Variants in PKP4 observed in about 807,000 individuals in gnomAD.
The protein encoded by PKP4 is plakophilin 4, also known as plakophilin-4.
PKP4 carries 90 observed loss-of-function variants against 145.1 expected under a neutral mutation model. That is an observed-to-expected ratio of 0.62 (90% CI 0.52 to 0.74). The LOEUF (loss-of-function observed/expected upper bound fraction) is 0.74. Among genes scored for constraint, PKP4 ranks in the 30% least tolerant of loss-of-function variants. The pLI is 0.00. For missense variants in PKP4, 1,340 were observed against 1,482.7 expected, an observed-to-expected ratio of 0.90 and a Z score of 1.58; for synonymous variants, 563 against 577.2, an observed-to-expected ratio of 0.98 and a Z score of 0.35.
intron 11 of PKP4, among the ~76,000 whole-genome samples, chr2:158,655,608 A>G (rs927907762): frequency 6.6e-5 from 10 of 152,254 alleles, no homozygotes; most frequent in Non-Finnish European, 1.0e-4. Context: ...CCTTGCAGCT[A>G]ACTTTACTGG....
chr2:158,598,539 G>A (rs940412252), intron 3 of PKP4, among the ~76,000 whole-genome samples: 68 of 152,106 alleles, frequency 4.5e-4, no homozygotes, highest in African/African-American at 1.3e-3. Context: ...AGGCTGAGGC[G>A]GGCGGATCAC....
chr2:158,596,460 T>G (rs947071873), intron 3 of PKP4, among the ~76,000 whole-genome samples: 10 of 152,110 alleles, frequency 6.6e-5, no homozygotes, highest in African/African-American at 1.9e-4. Flanking sequence ...TACAAATGTA[T>G]TTTAAAAATT....
At chr2:158,657,038 G>A (rs1176669336) in intron 11 of PKP4, among the ~76,000 whole-genome samples, 1 of 152,124 alleles carries the variant, frequency 6.6e-6, no homozygotes, top group African/African-American at 2.4e-5. Context: ...CCCTCCCTCT[G>A]CAAGGCCACA....
chr2:158,611,532 T>C (rs918682659), intron 4 of PKP4, among the ~76,000 whole-genome samples: 1 of 152,204 alleles, frequency 6.6e-6, no homozygotes, highest in Non-Finnish European at 1.5e-5. Context: ...CTTTTCTTTT[T>C]TCCTCCATCT....
At chr2:158,592,363 T>A (rs1158050155) in intron 3 of PKP4, among the ~76,000 whole-genome samples, 1 of 152,046 alleles carries the variant, frequency 6.6e-6, no homozygotes, top group Non-Finnish European at 1.5e-5. Flanking sequence ...TCCTTATGGG[T>A]CCACTCTTTT....
At chr2:158,526,256 TC>T (rs2042929447) in intron 1 of PKP4, among the ~76,000 whole-genome samples, 1 of 126,804 alleles carries the variant, frequency 7.9e-6, no homozygotes, top group Non-Finnish European at 1.7e-5. Context: ...GCAAAACGAA[TC>T]CAGCAGCACA....
At chr2:158,601,042 T>C (rs2050182913) in intron 3 of PKP4, among the ~76,000 whole-genome samples, 1 of 152,174 alleles carries the variant, frequency 6.6e-6, no homozygotes, top group Non-Finnish European at 1.5e-5. Context: ...ACCTGGTAAT[T>C]TGTATAATCT....
chr2:158,573,779 G>A (rs2047607889), intron 2 of PKP4, among the ~76,000 whole-genome samples: 1 of 152,230 alleles, frequency 6.6e-6, no homozygotes, highest in Non-Finnish European at 1.5e-5. Flanking sequence ...TTAGGCAAGG[G>A]AGAATTCCAA....
At chr2:158,648,412 C>G (rs1193169738) in intron 11 of PKP4, among the ~76,000 whole-genome samples, 1 of 152,204 alleles carries the variant, frequency 6.6e-6, no homozygotes, top group African/African-American at 2.4e-5. Context: ...AAGGGCAGAA[C>G]AGTCTGGCAA....
intron 19 of PKP4, 43 bp downstream of exon 19, chr2:158,674,043 A>G: frequency 9.5e-7 from 1 of 1,056,584 alleles, no homozygotes; most frequent in Non-Finnish European, 1.5e-6. Context: ...CCTTTGTGTG[A>G]CAGAACATTG....
Position 158,487,808 on chromosome 2 carries a change from G to A in PKP4, c.-6+30590G>A, listed in dbSNP as rs946502889. The stretch of plus-strand genomic sequence containing the variant: ...GAGAGAGAGAGAAGAGAGAGAAGGG[G>A]GAGGGAGGGAGGAAGGAAGGGAGGA... On this transcript the variant is annotated intron_variant, in intron 1 of 21. Transcript: ENST00000389759. Among the ~76,000 whole-genome samples, 24 of 152,010 alleles carry A rather than the reference G, an allele frequency of 1.6e-4. 1 individual carries two copies. The highest frequency in any genetic ancestry group is 8.5e-4 in the Admixed American group (13 of 15,254).
At chr2:158,561,111 T>A (rs1228978813) in intron 2 of PKP4, among the ~76,000 whole-genome samples, 1 of 152,226 alleles carries the variant, frequency 6.6e-6, no homozygotes, top group Non-Finnish European at 1.5e-5. Flanking sequence ...GAAAATTAGA[T>A]GAAATCAAAT....
chr2:158,522,589 T>C (rs572734753), intron 1 of PKP4, among the ~76,000 whole-genome samples: 6 of 152,290 alleles, frequency 3.9e-5, no homozygotes, highest in South Asian at 2.1e-4. Context: ...TTCAGTCTAA[T>C]GGTATGATTT....
chr2:158,574,621 T>G (rs1300337128), intron 2 of PKP4, among the ~76,000 whole-genome samples: 1 of 152,262 alleles, frequency 6.6e-6, no homozygotes, highest in Non-Finnish European at 1.5e-5. Flanking sequence ...GTAATAGTTT[T>G]GCAAGAAAGC....
chr2:158,581,229 G>T (rs1341615904), intron 3 of PKP4, among the ~76,000 whole-genome samples: 1 of 152,148 alleles, frequency 6.6e-6, no homozygotes, highest in Non-Finnish European at 1.5e-5. Context: ...TTTCCGATTT[G>T]CTAAAAAATA....
At chr2:158,513,123 CAT>C (rs2041654221) in intron 1 of PKP4, among the ~76,000 whole-genome samples, 1 of 152,304 alleles carries the variant, frequency 6.6e-6, no homozygotes, top group Non-Finnish European at 1.5e-5. Context: ...ACAGCAATCA[CAT>C]GTGATAAGTC....
intron 11 of PKP4, among the ~76,000 whole-genome samples, chr2:158,655,485 A>C (rs1352679660): frequency 2.6e-5 from 4 of 151,998 alleles, no homozygotes; most frequent in African/African-American, 9.7e-5. Flanking sequence ...CTGAAAAACT[A>C]CTCTTCTTCT....
chr2:158,566,234 A>G (rs574548709), intron 2 of PKP4, among the ~76,000 whole-genome samples: 2 of 152,290 alleles, frequency 1.3e-5, no homozygotes, highest in South Asian at 2.1e-4. Flanking sequence ...TATTACATCT[A>G]CTGAGGAATA....
In PKP4 at chr2:158,460,775, G is replaced by A. The variant is rs188852777; in HGVS notation, c.-6+3557G>A. 1.5e-3 allele frequency among the ~76,000 whole-genome samples: 232 copies of A among 152,318 alleles called. 1 individual carries two copies. The highest frequency in any genetic ancestry group is 5.4e-3 in the African/African-American group (224 of 41,568). On this transcript the variant is annotated intron_variant, in intron 1 of 21. Coordinates refer to ENST00000389759, the MANE Select transcript of PKP4 (RefSeq NM_003628.6). ...TATTGTATGTCAGTTTGGGAAGTTT[G>A]CCTTCACGCCTTCAAGTGTACAGGG...
Sources: allele counts gnomAD v4.1 joint callset (sites outside exome capture counted in the v4.1 genomes callset), GRCh38; gene constraint gnomAD v4.1.1; transcripts MANE v1.5; gene names NCBI Gene and HGNC (gene_info 2026-07-23, HGNC 2026-07-21).